The following NBPF3 variants were observed in gnomAD, a reference collection of about 807,000 sequenced individuals.
NBPF3 encodes the protein NBPF family member NBPF3.
In NBPF3, 57 loss-of-function variants were observed where a neutral mutation model predicts 78.1. That is an observed-to-expected ratio of 0.73 (90% CI 0.59 to 0.91). The LOEUF is 0.91. NBPF3 is among the 40% of genes least tolerant of loss of function. The pLI is 0.00. For synonymous variants in NBPF3, 182 were observed against 271.7 expected, an observed-to-expected ratio of 0.67 and a Z score of 3.25; for missense variants, 510 against 715.3, an observed-to-expected ratio of 0.71 and a Z score of 3.27.
upstream of NBPF3, chr1:21,440,132 C>CAGGCACAGGCGA (rs1553384137): frequency 2.0e-5 from 3 of 152,128 alleles, no homozygotes; most frequent in Non-Finnish European, 4.4e-5. Context: ...GGCGCAGGCG[C>CAGGCACAGGCGA]AGGCACAGGC....
intron 2 of NBPF3, among the ~76,000 whole-genome samples, chr1:21,452,423 G>C (rs1010127943): frequency 6.6e-6 from 1 of 152,188 alleles, no homozygotes; most frequent in Non-Finnish European, 1.5e-5. Flanking sequence ...AAAGGAACCA[G>C]AATAACAGAA....
intron 5 of NBPF3, 122 bp from the exon 6 acceptor site, chr1:21,472,721 A>T: frequency 1.3e-6 from 1 of 786,978 alleles, no homozygotes; most frequent in Non-Finnish European, 2.3e-6. Flanking sequence ...ACGATAAAAC[A>T]TGAGAGCTTT....
rs773402914 is a variant in NBPF3, at chr1:21,444,449, C to T, written c.-139-499C>T. ...TAGTTCAATAAGCATTAACTAACAA[C>T]ACCCACACTCTCTTAATTCCCTAAC... On this transcript the variant is annotated intron_variant, in intron 1 of 14. Transcript: ENST00000318249. Among the ~76,000 whole-genome samples, 20 of 152,348 alleles carry T rather than the reference C, an allele frequency of 1.3e-4. No homozygotes were observed. In the Middle Eastern group the frequency reaches 0.01, roughly 78 times the overall value.
intron 2 of NBPF3, among the ~76,000 whole-genome samples, chr1:21,449,300 A>G (rs1641163883): frequency 6.8e-6 from 1 of 146,836 alleles, no homozygotes; most frequent in Non-Finnish European, 1.5e-5. Flanking sequence ...AGTCTTGTTT[A>G]TGGCTCTCCT....
At chr1:21,472,308 T>G (rs933399285) in intron 5 of NBPF3, among the ~76,000 whole-genome samples, 1 of 152,184 alleles carries the variant, frequency 6.6e-6, no homozygotes, top group Non-Finnish European at 1.5e-5. Flanking sequence ...CCATGTGGTG[T>G]TAGAGAAGGC....
At chr1:21,447,866 CATT>C (rs1041969200) in intron 2 of NBPF3, among the ~76,000 whole-genome samples, 13 of 152,184 alleles carry the variant, frequency 8.5e-5, no homozygotes, top group East Asian at 1.9e-4. Context: ...AGTGATATCT[CATT>C]GTTGTTTTAA....
chr1:21,479,767 A>G (rs1477291018), intron 10 of NBPF3, among the ~76,000 whole-genome samples: 1 of 146,376 alleles, frequency 6.8e-6, no homozygotes, highest in African/African-American at 2.5e-5. Flanking sequence ...TCAGTGTGTC[A>G]CCTGGCCAAT....
At position 21,460,344 on chromosome 1, in the gene NBPF3, G is replaced by A. The variant is rs766317296; in HGVS notation, c.134-8344G>A. ...ACCCATTAACTCGTCATTTACATTCGGTATTTCTCCTAATGCTATCCCTCC... is the reference window on the plus strand; with the variant it reads ...ACCCATTAACTCGTCATTTACATTCAGTATTTCTCCTAATGCTATCCCTCC... On this transcript the variant is annotated intron_variant, in intron 2 of 14. Transcript: ENST00000318249. This position sits in a 1 kb window ranked among gnomAD's most constrained non-coding sequence, Gnocchi z 4.2. 1.3e-5 allele frequency among the ~76,000 whole-genome samples: 2 copies of A among 152,040 alleles called. No homozygotes were observed. Among genetic ancestry groups the A allele is most frequent in the African/African-American group, 4.8e-5 (2 of 41,398 alleles).
intron 2 of NBPF3, among the ~76,000 whole-genome samples, chr1:21,455,305 G>A (rs1352649579): frequency 6.6e-6 from 1 of 152,218 alleles, no homozygotes. Flanking sequence ...AATCGCAGGA[G>A]TGACATCTCC....
At position 21,480,165 on chromosome 1, in the gene NBPF3, CAGAA is replaced by C. The variant is rs762080646; in HGVS notation, c.1324_1327del (p.Arg442ValfsTer20). On this transcript the variant is annotated frameshift_variant, in exon 11 of 15. Coordinates refer to ENST00000318249, the MANE Select transcript of NBPF3 (RefSeq NM_032264.6). LOFTEE classifies it high-confidence loss of function. ...AACTGCCTGACTTATGCCAGCCCTA[CAGAA>C]GTGACTTTTACTCATTGCAGGAACA... The C allele has an allele frequency of 1.6e-6, 2 of 1,214,394 alleles. No homozygotes were observed. The highest frequency in any genetic ancestry group is 2.8e-5 in the African/African-American group (2 of 71,008). 75.2% of individuals were successfully genotyped at this position (1,214,394 alleles called of 1,614,324 possible). A position where few individuals can be genotyped will look rare whatever the true frequency, so the allele number is the denominator to read the frequency against.
chr1:21,448,210 C>G (rs1046178198), intron 2 of NBPF3, among the ~76,000 whole-genome samples: 1 of 152,102 alleles, frequency 6.6e-6, no homozygotes, highest in African/African-American at 2.4e-5. Flanking sequence ...CATCATCCAA[C>G]CCAAGATCCC....
chr1:21,444,335 A>G (rs1640837740), intron 1 of NBPF3, among the ~76,000 whole-genome samples: 1 of 152,362 alleles, frequency 6.6e-6, no homozygotes, highest in African/African-American at 2.4e-5. Context: ...TTGTTACTGT[A>G]GTATAACCTA....
chr1:21,460,670 A>G lies in NBPF3; in HGVS notation c.134-8018A>G, dbSNP rs1641903157. Among the ~76,000 whole-genome samples the G allele has an allele frequency of 1.3e-5, 2 of 152,234 alleles. No homozygotes were observed. The highest frequency in any genetic ancestry group is 4.1e-4 in the South Asian group (2 of 4,836). On this transcript the variant is annotated intron_variant, in intron 2 of 14. Transcript: ENST00000318249. The surrounding 1 kb of genome is among the most constrained non-coding windows in gnomAD (Gnocchi z 4.2). The stretch of plus-strand genomic sequence containing the variant: ...ATTAGAAACCTTGTAAAGGAAAAAT[A>G]GGAACTAATTTCGTGGACTTGACAC...
intron 2 of NBPF3, chr1:21,459,722 G>A (rs1478298373): frequency 1.1e-5 from 4 of 380,546 alleles, no homozygotes; most frequent in Non-Finnish European, 2.2e-5. Context: ...TGATGAAACT[G>A]CCATGGACAG....
At chr1:21,463,979 C>T (rs6426703) in intron 2 of NBPF3, among the ~76,000 whole-genome samples, 3 of 152,174 alleles carry the variant, frequency 2.0e-5, no homozygotes, top group Non-Finnish European at 4.4e-5. Flanking sequence ...TGGAGAATAT[C>T]GAATTCTCAT....
intron 2 of NBPF3, among the ~76,000 whole-genome samples, chr1:21,462,855 C>A (rs1246272890): frequency 3.9e-5 from 6 of 152,310 alleles, no homozygotes; most frequent in African/African-American, 1.4e-4. Context: ...GAACAGGATA[C>A]TACCTAAGTA....
intron 2 of NBPF3, among the ~76,000 whole-genome samples, chr1:21,450,487 A>G (rs1395775144): frequency 1.3e-5 from 2 of 152,198 alleles, no homozygotes; most frequent in African/African-American, 4.8e-5. Flanking sequence ...ACTGGCATAT[A>G]ACATCATAAT....
chr1:21,457,569 A>T (rs1316965670), intron 2 of NBPF3, among the ~76,000 whole-genome samples: 5 of 152,180 alleles, frequency 3.3e-5, no homozygotes, highest in Non-Finnish European at 7.3e-5. Flanking sequence ...AGATCAATGA[A>T]TACAACTTGA....
rs7524836 is a variant in NBPF3 at position 21,465,731 on chromosome 1, A to G, written c.134-2957A>G. On this transcript the variant is annotated intron_variant, in intron 2 of 14. Coordinates refer to ENST00000318249, the MANE Select transcript of NBPF3 (RefSeq NM_032264.6). ...AGAAATGAAGTTTGCCTCTTTTTGC[A>G]CAGGAAGATGGCCAATCTTTCCTAA... Among the ~76,000 whole-genome samples the G allele has an allele frequency of 6.0e-3, 910 of 152,344 alleles. 9 individuals carry two copies. The highest frequency in any genetic ancestry group is 0.02 in the African/African-American group (839 of 41,582).
Sources: allele counts gnomAD v4.1 joint callset (sites outside exome capture counted in the v4.1 genomes callset), GRCh38; gene constraint gnomAD v4.1.1; non-coding constraint Gnocchi (gnomAD v3.1); transcripts MANE v1.5; gene names NCBI Gene and HGNC (gene_info 2026-07-23, HGNC 2026-07-21).